Variants in CAMTA1 observed in about 807,000 individuals in gnomAD.
The protein encoded by CAMTA1 is calmodulin binding transcription activator 1, also known as calmodulin-binding transcription activator 1.
Under a neutral mutation model 170.9 loss-of-function variants are expected in CAMTA1, and 27 were observed. The observed-to-expected ratio is 0.16, with a 90% confidence interval of 0.12 to 0.22. CAMTA1 has a LOEUF of 0.22. CAMTA1 is among the 10% of genes least tolerant of loss of function. The pLI is 1.00. For synonymous variants in CAMTA1, 833 were observed against 891.5 expected, an observed-to-expected ratio of 0.93 and a Z score of 1.17; for missense variants, 1,619 against 2,217.2, an observed-to-expected ratio of 0.73 and a Z score of 5.42.
At chr1:7,506,701 ACT>A (rs1029011476) in intron 6 of CAMTA1, among the ~76,000 whole-genome samples, 33 of 151,718 alleles carry the variant, frequency 2.2e-4, no homozygotes, top group Non-Finnish European at 3.1e-4. Context: ...CGAAATGCAC[ACT>A]CACACGCTCA....
At chr1:7,193,149 G>A (rs1227009448) in intron 4 of CAMTA1, among the ~76,000 whole-genome samples, 3 of 152,062 alleles carry the variant, frequency 2.0e-5, no homozygotes, top group Admixed American at 6.5e-5. Context: ...TCAGGAGTTC[G>A]AGACCAGCCT....
intron 11 of CAMTA1, among the ~76,000 whole-genome samples, chr1:7,730,294 G>A (rs906965573): frequency 3.0e-4 from 46 of 151,448 alleles, no homozygotes; most frequent in African/African-American, 1.0e-3. Context: ...CAGCTCTATC[G>A]TCTCCTGCGT....
Position 7,293,745 on chromosome 1 carries a change from G to A in CAMTA1, c.438+44119G>A, listed in dbSNP as rs763198856. ...CTTCAAGTTATTGGGGTTCCCCTGG[G>A]GAGCATCTTCTTGGTTCTTGTAATG... On this transcript the variant is annotated intron_variant, in intron 5 of 22. Transcript: ENST00000303635. This position sits in a 1 kb window ranked among gnomAD's most constrained non-coding sequence, Gnocchi z 4.1. Among the ~76,000 whole-genome samples, 1 of 151,772 alleles carries A rather than the reference G, an allele frequency of 6.6e-6. No homozygotes were observed. Among genetic ancestry groups the A allele is most frequent in the Non-Finnish European group, 1.5e-5 (1 of 67,746 alleles).
At chr1:7,320,404 A>G (rs1355693220) in intron 5 of CAMTA1, among the ~76,000 whole-genome samples, 1 of 152,214 alleles carries the variant, frequency 6.6e-6, no homozygotes, top group South Asian at 2.1e-4. Context: ...TCAGTTGGCC[A>G]TATGCTATGT....
intron 4 of CAMTA1, among the ~76,000 whole-genome samples, chr1:7,108,934 A>G (rs1573119779): frequency 6.6e-6 from 1 of 152,306 alleles, no homozygotes; most frequent in Non-Finnish European, 1.5e-5. Context: ...CGACTGAGGC[A>G]GGATCCACTC....
chr1:7,491,996 C>T (rs891164640), intron 6 of CAMTA1, among the ~76,000 whole-genome samples: 2 of 152,170 alleles, frequency 1.3e-5, no homozygotes, highest in Non-Finnish European at 2.9e-5. Flanking sequence ...GTCAGAATGT[C>T]ACCTGCTTGG....
intron 22 of CAMTA1, among the ~76,000 whole-genome samples, chr1:7,764,321 T>C (rs2097000762): frequency 6.6e-6 from 1 of 152,224 alleles, no homozygotes; most frequent in African/African-American, 2.4e-5. Context: ...ATACACTGTT[T>C]GTCACTGTCA....
At chr1:7,746,127 T>G (rs374064070) in intron 18 of CAMTA1, 36 bp downstream of exon 18, 108 of 1,604,216 alleles carry the variant, frequency 6.7e-5, no homozygotes, top group Non-Finnish European at 8.6e-5. Context: ...TGTGACATTC[T>G]TAAGATCAGA....
chr1:7,295,077 C>A (rs1164174285), intron 5 of CAMTA1, among the ~76,000 whole-genome samples: 2 of 152,220 alleles, frequency 1.3e-5, no homozygotes, highest in Non-Finnish European at 2.9e-5. Flanking sequence ...AGTCAGACTT[C>A]AGGTGTTCAA....
At chr1:6,873,273 A>G (rs1668912398) in intron 3 of CAMTA1, among the ~76,000 whole-genome samples, 1 of 151,750 alleles carries the variant, frequency 6.6e-6, no homozygotes, top group Non-Finnish European at 1.5e-5. Flanking sequence ...TTTTTAAATA[A>G]TGCTTTTCAC....
intron 5 of CAMTA1, among the ~76,000 whole-genome samples, chr1:7,280,636 C>T (rs1023545991): frequency 6.6e-6 from 1 of 152,234 alleles, no homozygotes; most frequent in Admixed American, 6.5e-5. Flanking sequence ...TTGTAATTGA[C>T]TGCATCACCT....
At chr1:7,337,485 G>A (rs1459441870) in intron 5 of CAMTA1, among the ~76,000 whole-genome samples, 2 of 143,358 alleles carry the variant, frequency 1.4e-5, no homozygotes, top group Non-Finnish European at 3.0e-5. Context: ...TGCATGGTGG[G>A]CCTCATCCAA....
chr1:6,893,123 A>T (rs1674905691), intron 3 of CAMTA1, among the ~76,000 whole-genome samples: 1 of 152,170 alleles, frequency 6.6e-6, no homozygotes, highest in African/African-American at 2.4e-5. Flanking sequence ...TCTACTAAAA[A>T]TGCAAAAAAT....
intron 5 of CAMTA1, among the ~76,000 whole-genome samples, chr1:7,329,080 T>A (rs2149729284): frequency 1.3e-5 from 2 of 152,284 alleles, no homozygotes; most frequent in Middle Eastern, 3.4e-3. Context: ...ACTTAATGCA[T>A]CTTCATCCTT....
intron 5 of CAMTA1, among the ~76,000 whole-genome samples, chr1:7,310,700 C>CTCTCTCTTTCTTTCTT (rs1361709842): frequency 1.9e-5 from 1 of 53,492 alleles, no homozygotes; most frequent in South Asian, 5.1e-4. Flanking sequence ...CTCTCTCTCT[C>CTCTCTCTTTCTTTCTT]TCTTTCTTTC....
At chr1:6,893,153 G>C (rs1348023130) in intron 3 of CAMTA1, among the ~76,000 whole-genome samples, 1 of 152,094 alleles carries the variant, frequency 6.6e-6, no homozygotes, top group Non-Finnish European at 1.5e-5. Context: ...ATGGTGGCGT[G>C]CCTGTAATCC....
intron 5 of CAMTA1, among the ~76,000 whole-genome samples, chr1:7,390,064 T>A (rs528093512): frequency 6.6e-6 from 1 of 152,292 alleles, no homozygotes; most frequent in South Asian, 2.1e-4. Flanking sequence ...GCCGCTTCCC[T>A]GCCGGACGGC....
At chr1:7,428,509 CAT>C (rs971690835) in intron 5 of CAMTA1, among the ~76,000 whole-genome samples, 2 of 152,110 alleles carry the variant, frequency 1.3e-5, no homozygotes, top group Non-Finnish European at 2.9e-5. Flanking sequence ...TCCCGGAGCA[CAT>C]AGAGTCAAGT....
At chr1:7,160,795 C>T (rs1010162555) in intron 4 of CAMTA1, among the ~76,000 whole-genome samples, 1 of 152,156 alleles carries the variant, frequency 6.6e-6, no homozygotes, top group South Asian at 2.1e-4. Context: ...CTTGGATTCC[C>T]CACACTGTTT....
Sources: gnomAD v4.1 joint callset for allele counts (sites outside exome capture counted in the v4.1 genomes callset) on GRCh38, gnomAD v4.1.1 for gene constraint, Gnocchi (gnomAD v3.1) non-coding constraint, MANE v1.5 for transcripts, NCBI Gene and HGNC (gene_info 2026-07-23, HGNC 2026-07-21) for gene names.